LRRC37A2: variants seen among roughly 807,000 people sequenced by gnomAD.
The protein encoded by LRRC37A2 is leucine-rich repeat-containing protein 37A2.
A neutral mutation model predicts 68.8 loss-of-function variants in LRRC37A2; 9 were observed. That is an observed-to-expected ratio of 0.13 (90% CI 0.08 to 0.23). The LOEUF (loss-of-function observed/expected upper bound fraction) is 0.23, where lower values mean the gene tolerates loss of function less well. Ranked by LOEUF, LRRC37A2 falls within the 10% of genes least tolerant of loss-of-function variation. The pLI is 1.00. For synonymous variants in LRRC37A2, 63 were observed against 367.6 expected, an observed-to-expected ratio of 0.17 and a Z score of 9.48; for missense variants, 168 against 950.4, an observed-to-expected ratio of 0.18 and a Z score of 10.82.
chr17:46,710,858 G>A, the LRRC37A2 span: 1 of 946,558 alleles, frequency 1.1e-6, no homozygotes, highest in Non-Finnish European at 1.5e-6. Flanking sequence ...ATTAATATGG[G>A]ATAGTGATCA....
chr17:46,708,119 G>A, the LRRC37A2 span, among the ~76,000 whole-genome samples: 13 of 151,752 alleles, frequency 8.6e-5, no homozygotes, highest in East Asian at 1.5e-3. Flanking sequence ...CTTCTGCCAC[G>A]TTTTGGCTAT....
the LRRC37A2 span, among the ~76,000 whole-genome samples, chr17:46,822,845 T>G: frequency 6.6e-6 from 1 of 151,794 alleles, no homozygotes; most frequent in African/African-American, 2.4e-5. Context: ...CGCTGACATA[T>G]GGGAGGCTGC....
chr17:46,714,887 G>C, the LRRC37A2 span, among the ~76,000 whole-genome samples: 2 of 152,194 alleles, frequency 1.3e-5, no homozygotes, highest in African/African-American at 4.8e-5. Context: ...GAATTGAAGT[G>C]CTCCCTAGTA....
At chr17:46,472,923 A>ATAT in the LRRC37A2 span, among the ~76,000 whole-genome samples, 6 of 64,158 alleles carry the variant, frequency 9.4e-5, no homozygotes, top group African/African-American at 3.1e-4. Flanking sequence ...TCAAAAAAAA[A>ATAT]ATATATATAT....
At chr17:46,936,689 A>C in the LRRC37A2 span, 1 of 985,042 alleles carries the variant, frequency 1.0e-6, no homozygotes, top group Non-Finnish European at 1.2e-6. Context: ...TAGAAGGTTG[A>C]TCCTTAGCCT....
chr17:46,978,564 G>C, the LRRC37A2 span: 2 of 1,476,858 alleles, frequency 1.4e-6, no homozygotes, highest in South Asian at 2.6e-5. Context: ...GGCGGCGGCA[G>C]AGCGCAGAGA....
At chr17:46,635,812 TGTGTGTGCTC>T in the LRRC37A2 span, among the ~76,000 whole-genome samples, 208 of 142,622 alleles carry the variant, frequency 1.5e-3, 25 homozygotes, top group Non-Finnish European at 2.6e-3. Context: ...TGTGTGTGTG[TGTGTGTGCTC>T]GTGTGTGAAG....
At chr17:46,840,882 A>G in the LRRC37A2 span, among the ~76,000 whole-genome samples, 1 of 152,248 alleles carries the variant, frequency 6.6e-6, no homozygotes, top group South Asian at 2.1e-4. Flanking sequence ...AGTTCTTTGT[A>G]GATTCTGGAT....
the LRRC37A2 span, among the ~76,000 whole-genome samples, chr17:46,810,049 C>G: frequency 6.7e-6 from 1 of 149,278 alleles, no homozygotes; most frequent in Non-Finnish European, 1.5e-5. Context: ...TCTTGTTGCC[C>G]AGGCTGGAAG....
chr17:46,857,474 CAAAAA>C, the LRRC37A2 span, among the ~76,000 whole-genome samples: 22,768 of 94,548 alleles, frequency 0.24, 2,108 homozygotes, highest in East Asian at 0.44. Context: ...GACTCTGTCT[CAAAAA>C]AAAAAAAAAA....
At chr17:46,767,438 T>C in the LRRC37A2 span, among the ~76,000 whole-genome samples, 174 of 152,314 alleles carry the variant, frequency 1.1e-3, 1 homozygote, top group African/African-American at 4.0e-3. Context: ...GTGCAGGAAC[T>C]TGCCCTCTAA....
the LRRC37A2 span, among the ~76,000 whole-genome samples, chr17:47,009,488 C>A: frequency 2.0e-5 from 3 of 152,300 alleles, no homozygotes; most frequent in South Asian, 6.2e-4. Context: ...TCTGGTCCCC[C>A]TTTGAATGCT....
At chr17:46,803,101 G>A in the LRRC37A2 span, among the ~76,000 whole-genome samples, 1 of 152,218 alleles carries the variant, frequency 6.6e-6, no homozygotes, top group Non-Finnish European at 1.5e-5. Flanking sequence ...ATTAGAGGAC[G>A]CTGGCTGATG....
the LRRC37A2 span, among the ~76,000 whole-genome samples, chr17:46,787,722 G>T: frequency 6.6e-6 from 1 of 152,246 alleles, no homozygotes; most frequent in African/African-American, 2.4e-5. Context: ...GGGAGGCCAA[G>T]GCAGGCAGAT....
the LRRC37A2 span, among the ~76,000 whole-genome samples, chr17:46,492,689 GTTTTTT>G: frequency 4.6e-5 from 5 of 107,838 alleles, no homozygotes; most frequent in Non-Finnish European, 8.8e-5. Context: ...GTTTTGTTTT[GTTTTTT>G]TTTTTTTTTT....
At chr17:46,741,769 T>TG in the LRRC37A2 span, among the ~76,000 whole-genome samples, 9 of 12,876 alleles carry the variant, frequency 7.0e-4, no homozygotes, top group Non-Finnish European at 1.4e-3. Context: ...TGGTTTTTGT[T>TG]TTTGTTGTTG....
the LRRC37A2 span, among the ~76,000 whole-genome samples, chr17:46,679,692 C>CCA: frequency 3.0e-5 from 3 of 101,522 alleles, no homozygotes; most frequent in Middle Eastern, 0.011. Flanking sequence ...AACTCCATGT[C>CCA]AAAAAAAAAA....
At chr17:46,938,211 A>G in the LRRC37A2 span, among the ~76,000 whole-genome samples, 5 of 152,218 alleles carry the variant, frequency 3.3e-5, no homozygotes, top group South Asian at 4.1e-4. Context: ...AGAAGCTTTA[A>G]TTGTGGCTTT....
chr17:46,735,253 A>T, the LRRC37A2 span, among the ~76,000 whole-genome samples: 5 of 152,328 alleles, frequency 3.3e-5, 1 homozygote, highest in African/African-American at 1.2e-4. Flanking sequence ...TCTAAATTTT[A>T]ATCATCAGAG....
Sources: gnomAD v4.1 joint callset for allele counts (sites outside exome capture counted in the v4.1 genomes callset) on GRCh38, gnomAD v4.1.1 for gene constraint, MANE v1.5 for transcripts, NCBI Gene and HGNC (gene_info 2026-07-23, HGNC 2026-07-21) for gene names.